Variants in SENP7 observed in about 807,000 individuals in gnomAD.
The protein encoded by SENP7 is sentrin-specific protease 7.
A neutral mutation model predicts 141.2 loss-of-function variants in SENP7; 64 were observed. The observed-to-expected ratio is 0.45, with a 90% CI of 0.37 to 0.56. The LOEUF (loss-of-function observed/expected upper bound fraction) is 0.56, where lower values mean the gene tolerates loss of function less well. SENP7 is among the 20% of genes least tolerant of loss of function. The pLI, the probability that SENP7 is intolerant of heterozygous loss-of-function variation, is 0.00. For missense variants in SENP7, 1,025 were observed against 1,212.2 expected, an observed-to-expected ratio of 0.85 and a Z score of 2.29; for synonymous variants, 382 against 426.4, an observed-to-expected ratio of 0.90 and a Z score of 1.28.
At chr3:101,493,760 A>C (rs1049798502) in intron 3 of SENP7, 113 bp downstream of exon 3, 4 of 593,534 alleles carry the variant, frequency 6.7e-6, no homozygotes, top group Non-Finnish European at 8.4e-6. Flanking sequence ...ATTAAATAAC[A>C]CAAGAAAACC....
intron 8 of SENP7, among the ~76,000 whole-genome samples, 193 bp downstream of exon 8, chr3:101,367,637 T>C (rs1294152296): frequency 1.3e-5 from 2 of 152,152 alleles, no homozygotes; most frequent in Non-Finnish European, 2.9e-5. Flanking sequence ...TGAAATGTGT[T>C]CCAATAACTC....
intron 4 of SENP7, among the ~76,000 whole-genome samples, chr3:101,431,872 G>GA (rs5851273): frequency 0.4 from 60,300 of 151,930 alleles, 12,490 homozygotes; most frequent in Admixed American, 0.54. Context: ...AAATACTAAA[G>GA]AAGCAGTTTT....
At chr3:101,448,896 GAGA>G (rs1438906448) in intron 4 of SENP7, among the ~76,000 whole-genome samples, 19 of 152,172 alleles carry the variant, frequency 1.2e-4, no homozygotes, top group Non-Finnish European at 1.5e-5. Flanking sequence ...GACGAGTTGA[GAGA>G]AGAAGGCTTC....
At chr3:101,459,952 GAATAA>G (rs1177469468) in intron 3 of SENP7, among the ~76,000 whole-genome samples, 1 of 151,980 alleles carries the variant, frequency 6.6e-6, no homozygotes, top group African/African-American at 2.4e-5. Flanking sequence ...ATATCAAAAA[GAATAA>G]AATACTCAAT....
intron 3 of SENP7, among the ~76,000 whole-genome samples, chr3:101,488,773 T>A (rs6790077): frequency 6.6e-6 from 1 of 151,850 alleles, no homozygotes; most frequent in Admixed American, 6.6e-5. Flanking sequence ...ACCTGGGAGG[T>A]GGAGGTTGCA....
chr3:101,436,447 C>A (rs1374341032), intron 4 of SENP7, among the ~76,000 whole-genome samples: 2 of 152,118 alleles, frequency 1.3e-5, no homozygotes, highest in East Asian at 3.9e-4. Flanking sequence ...TAAAAAGCTT[C>A]TGTACATGAA....
At chr3:101,459,978 G>T (rs189305140) in intron 3 of SENP7, among the ~76,000 whole-genome samples, 23 of 152,236 alleles carry the variant, frequency 1.5e-4, no homozygotes, top group Admixed American at 1.5e-3. Flanking sequence ...AATAAATTTA[G>T]TCAAGGCAAT....
chr3:101,373,436 A>G (rs1311748468), intron 6 of SENP7, among the ~76,000 whole-genome samples: 1 of 152,180 alleles, frequency 6.6e-6, no homozygotes, highest in Admixed American at 6.5e-5. Flanking sequence ...CACTACAGGC[A>G]CTATAAACAA....
intron 1 of SENP7, among the ~76,000 whole-genome samples, chr3:101,505,499 T>C (rs555234805): frequency 6.6e-6 from 1 of 152,300 alleles, no homozygotes; most frequent in East Asian, 1.9e-4. Context: ...CTACTGTGAA[T>C]TCCCAAATAT....
intron 11 of SENP7, among the ~76,000 whole-genome samples, chr3:101,352,824 A>AT (rs2059647052): frequency 6.6e-6 from 1 of 151,928 alleles, no homozygotes. Flanking sequence ...GACTCCACTT[A>AT]TTTTCCAATT....
At chr3:101,477,534 A>G (rs1454119139) in intron 3 of SENP7, among the ~76,000 whole-genome samples, 2 of 152,190 alleles carry the variant, frequency 1.3e-5, no homozygotes, top group Non-Finnish European at 2.9e-5. Flanking sequence ...AAAAAAATAG[A>G]AAAGTCAGAA....
At chr3:101,505,297 C>T (rs1329197922) in intron 1 of SENP7, among the ~76,000 whole-genome samples, 1 of 152,092 alleles carries the variant, frequency 6.6e-6, no homozygotes, top group Admixed American at 6.6e-5. Context: ...CACCACCACA[C>T]AATATACCCA....
At chr3:101,512,924 C>G (rs1426748687) in intron 1 of SENP7, among the ~76,000 whole-genome samples, 167 bp downstream of exon 1, 1 of 152,138 alleles carries the variant, frequency 6.6e-6, no homozygotes, top group South Asian at 2.1e-4. Context: ...GTCTTCGACT[C>G]CAGGGGCGGG....
At chr3:101,506,586 C>T (rs1230764256) in intron 1 of SENP7, among the ~76,000 whole-genome samples, 1 of 152,140 alleles carries the variant, frequency 6.6e-6, no homozygotes, top group African/African-American at 2.4e-5. Flanking sequence ...ATGACAGTCC[C>T]TGTCACAGTG....
At chr3:101,401,528 CAAAAAAAAAA>C (rs60381137) in intron 5 of SENP7, among the ~76,000 whole-genome samples, 1 of 130,314 alleles carries the variant, frequency 7.7e-6, no homozygotes, top group Non-Finnish European at 1.6e-5. Context: ...CACTCCATCT[CAAAAAAAAAA>C]AGGAAAAAAA....
intron 1 of SENP7, among the ~76,000 whole-genome samples, chr3:101,506,787 T>A (rs1483515411): frequency 1.3e-5 from 2 of 152,230 alleles, no homozygotes; most frequent in Non-Finnish European, 2.9e-5. Flanking sequence ...GCATGGTGGC[T>A]CATGCCTATA....
intron 5 of SENP7, chr3:101,414,401 C>T: frequency 9.5e-7 from 1 of 1,049,816 alleles, no homozygotes; most frequent in African/African-American, 1.6e-5. Context: ...GTGCTTCTGG[C>T]TCAAGCCCAG....
chr3:101,361,751 A>G lies in SENP7; in HGVS notation c.1587T>C (p.Ile529=). The G allele has an allele frequency of 6.3e-7, 1 of 1,592,728 alleles. No homozygotes were observed. The highest frequency in any genetic ancestry group is 8.5e-7 in the Non-Finnish European group (1 of 1,172,942). ...CTTTAGAAGCTCCTTTTATTTTACCAATATAAACAGAAGTAAATATAAAAT... is the reference window on the plus strand; with the variant it reads ...CTTTAGAAGCTCCTTTTATTTTACCGATATAAACAGAAGTAAATATAAAAT... ...QLDFIFTSVY[I]GKIKGASKGC... The change falls in exon 11 of 24, where the codon ATT becomes ATC. Residue 529 remains isoleucine (I), a synonymous_variant. Coordinates refer to ENST00000394095, the MANE Select transcript of SENP7 (RefSeq NM_020654.5).
rs746990687 is a variant in SENP7, at chr3:101,347,927, T to C, written c.1782A>G (p.Ser594=). ...SHAILFFWVS[S]DYLQEIQTQL... is the part of the protein sequence containing the mutation. ...GGGTCTGAATCTCTTGAAGATAATC[T>C]GAAGAGACCCAGAAGAAAAGAATAG... Residue 594 remains serine, a synonymous_variant, in exon 13 of 24, where the codon TCA becomes TCG. Coordinates refer to ENST00000394095, the MANE Select transcript of SENP7 (RefSeq NM_020654.5). 6.2e-7 allele frequency: 1 copy of C among 1,608,428 alleles called. No individual in the cohort carries two copies. Among genetic ancestry groups the C allele is most frequent in the South Asian group, 1.1e-5 (1 of 90,324 alleles).
Sources: gnomAD v4.1 joint callset for allele counts (sites outside exome capture counted in the v4.1 genomes callset) on GRCh38, gnomAD v4.1.1 for gene constraint, MANE v1.5 for transcripts, NCBI Gene and HGNC (gene_info 2026-07-23, HGNC 2026-07-21) for gene names.